CCDC192: variants seen among roughly 807,000 people sequenced by gnomAD.
The protein encoded by CCDC192 is coiled-coil domain-containing protein 192.
chr5:127,818,287 G>T lies in CCDC192; in HGVS notation c.411+20125G>T, dbSNP rs1347431286. ...TTTTAACATCAGTCTTATGCATTGG[G>T]TTGACATACTAAAGACTGAGTCTCT... On this transcript the variant is annotated intron_variant, in intron 5 of 6. Transcript: ENST00000514853. Among the ~76,000 whole-genome samples the T allele has an allele frequency of 2.0e-5, 3 of 152,052 alleles. No individual in the cohort carries two copies. The East Asian group carries it at 5.8e-4, about 29-fold the overall frequency.
At chr5:127,763,307 A>C (rs9327450) in intron 3 of CCDC192, among the ~76,000 whole-genome samples, 64,057 of 152,024 alleles carry the variant, frequency 0.42, 13,979 homozygotes, top group African/African-American at 0.51. Context: ...CACCAGCCAC[A>C]CTGTGCTGCT....
chr5:127,863,939 C>T (rs1215875116), intron 5 of CCDC192, among the ~76,000 whole-genome samples: 1 of 152,138 alleles, frequency 6.6e-6, no homozygotes, highest in Non-Finnish European at 1.5e-5. Flanking sequence ...ATTTGTTGTG[C>T]ATCTCCTGAG....
At chr5:127,730,260 C>T (rs1206073078) in intron 2 of CCDC192, among the ~76,000 whole-genome samples, 1 of 152,162 alleles carries the variant, frequency 6.6e-6, no homozygotes, top group African/African-American at 2.4e-5. Context: ...TGCAAATAAA[C>T]TAGAAAATCT....
At chr5:127,828,141 A>C (rs993523725) in intron 5 of CCDC192, among the ~76,000 whole-genome samples, 2 of 152,162 alleles carry the variant, frequency 1.3e-5, no homozygotes, top group Non-Finnish European at 2.9e-5. Flanking sequence ...TCCTGACCGC[A>C]GGTGGTCTGC....
intron 6 of CCDC192, among the ~76,000 whole-genome samples, chr5:127,877,584 G>T (rs2681512): frequency 0.65 from 99,467 of 151,968 alleles, 32,546 homozygotes; most frequent in Non-Finnish European, 0.68. Context: ...TCTTCCACAG[G>T]CCCCTTGCAG....
chr5:127,936,061 A>C (rs1044771897), intron 6 of CCDC192, among the ~76,000 whole-genome samples: 2 of 152,078 alleles, frequency 1.3e-5, no homozygotes, highest in Non-Finnish European at 2.9e-5. Context: ...CCAAGATCGC[A>C]CCATCGCACT....
At chr5:127,940,975 T>G (rs1436251586) in intron 6 of CCDC192, 2 of 375,764 alleles carry the variant, frequency 5.3e-6, no homozygotes, top group Non-Finnish European at 9.4e-6. Flanking sequence ...GGCTCCCAAG[T>G]TTTGTTTTGT....
intron 5 of CCDC192, among the ~76,000 whole-genome samples, chr5:127,817,888 G>A (rs1273212860): frequency 7.9e-5 from 12 of 152,102 alleles, no homozygotes; most frequent in Admixed American, 6.6e-4. Context: ...TCTGAACCAC[G>A]CTTTTAGAAA....
intron 5 of CCDC192, among the ~76,000 whole-genome samples, chr5:127,841,787 G>C (rs116480248): frequency 2.0e-5 from 3 of 151,952 alleles, no homozygotes; most frequent in Non-Finnish European, 4.4e-5. Context: ...CCAGCCCAAC[G>C]AGTGATCAGT....
intron 6 of CCDC192, among the ~76,000 whole-genome samples, chr5:127,902,482 T>C (rs140824661): frequency 6.6e-6 from 1 of 152,140 alleles, no homozygotes; most frequent in Admixed American, 6.5e-5. Flanking sequence ...GTTTAGGGAA[T>C]GCTCTTTAAC....
At chr5:127,827,107 C>A (rs544197895) in intron 5 of CCDC192, among the ~76,000 whole-genome samples, 1 of 152,114 alleles carries the variant, frequency 6.6e-6, no homozygotes, top group African/African-American at 2.4e-5. Context: ...CAGAGGCCTG[C>A]GTTCCCAAAT....
At chr5:127,744,361 T>A (rs1041420207) in intron 2 of CCDC192, among the ~76,000 whole-genome samples, 1 of 151,788 alleles carries the variant, frequency 6.6e-6, no homozygotes, top group Non-Finnish European at 1.5e-5. Context: ...TAGGTGCCTG[T>A]CAAGCAGAAG....
chr5:127,797,600 T>G (rs1757228316), intron 4 of CCDC192, among the ~76,000 whole-genome samples: 2 of 151,394 alleles, frequency 1.3e-5, no homozygotes, highest in African/African-American at 4.8e-5. Flanking sequence ...TGTTTTTTAA[T>G]CAATTACTTT....
In CCDC192 at chr5:127,797,218, T is replaced by C. The variant is rs1757211782; in HGVS notation, c.338T>C (p.Val113Ala). Reference protein sequence around the residue: ...EASGGPYEKMVLVKDQCIQKL... With the variant: ...EASGGPYEKMALVKDQCIQKL... Reference sequence around the variant, plus strand: ...AGTGGGGGACCATATGAAAAAATGGTTCTTGTGAAAGACCAGGTATGTTGT... The same window carrying C: ...AGTGGGGGACCATATGAAAAAATGGCTCTTGTGAAAGACCAGGTATGTTGT... The change falls in exon 4 of 7, where the codon GTT (valine) becomes GCT (alanine). Residue 113 changes from valine to alanine, a missense_variant. Physicochemically the swap from Val to Ala is moderately conservative, Grantham distance 64. Transcript: ENST00000514853. 2.5e-6 allele frequency: 1 copy of C among 398,106 alleles called. No homozygotes were observed. Among genetic ancestry groups the C allele is most frequent in the African/African-American group, 2.1e-5 (1 of 48,594 alleles). The allele number at this position is 398,106 out of a possible 1,614,324, so 24.7% of individuals were successfully genotyped here. A position where few individuals can be genotyped will look rare whatever the true frequency, so the allele number is the denominator to read the frequency against.
chr5:127,902,820 C>T (rs1580811332), intron 6 of CCDC192, among the ~76,000 whole-genome samples: 1 of 152,154 alleles, frequency 6.6e-6, no homozygotes, highest in East Asian at 1.9e-4. Context: ...TACCCTAGTG[C>T]TTCAGCAATG....
intron 5 of CCDC192, among the ~76,000 whole-genome samples, chr5:127,816,622 C>T (rs933045703): frequency 1.6e-4 from 24 of 152,160 alleles, no homozygotes; most frequent in Non-Finnish European, 3.4e-4. Flanking sequence ...TGGCTCTGTG[C>T]ACTGGAAGCC....
At chr5:127,823,240 T>C (rs1004921444) in intron 5 of CCDC192, among the ~76,000 whole-genome samples, 12 of 152,194 alleles carry the variant, frequency 7.9e-5, no homozygotes, top group African/African-American at 2.9e-4. Context: ...AGTCTGTCTT[T>C]TCAAATCTGT....
chr5:127,817,656 A>G (rs574870969), intron 5 of CCDC192, among the ~76,000 whole-genome samples: 1 of 152,274 alleles, frequency 6.6e-6, no homozygotes, highest in South Asian at 2.1e-4. Flanking sequence ...ATGGATATGA[A>G]TTTATTTTTG....
chr5:127,789,922 C>T (rs59202766), intron 3 of CCDC192, among the ~76,000 whole-genome samples: 7,518 of 152,294 alleles, frequency 0.049, 626 homozygotes, highest in African/African-American at 0.17. Flanking sequence ...AATTTGAAAC[C>T]AAGATCCTCG....
Sources: allele counts gnomAD v4.1 joint callset (sites outside exome capture counted in the v4.1 genomes callset), GRCh38; gene constraint gnomAD v4.1.1; transcripts MANE v1.5; gene names NCBI Gene and HGNC (gene_info 2026-07-23, HGNC 2026-07-21).